COL23A1: variants seen among roughly 807,000 people sequenced by gnomAD.
COL23A1 encodes the protein collagen type XXIII alpha 1 chain.
A neutral mutation model predicts 99.3 loss-of-function variants in COL23A1; 97 were observed. The ratio of observed to expected loss-of-function variants is 0.98; its 90% CI spans 0.83 to 1.16. The LOEUF (loss-of-function observed/expected upper bound fraction) is 1.16, where lower values mean the gene tolerates loss of function less well. Ranked by LOEUF, COL23A1 falls within the 50% of genes most tolerant of loss-of-function variation. The probability of loss-of-function intolerance (pLI) is 0.00; values close to 1 mark genes in which losing one functional copy is unlikely to be tolerated. For missense variants in COL23A1, 762 were observed against 757.4 expected (o/e 1.01, Z -0.07); for synonymous variants, 320 against 308.2 (o/e 1.04, Z -0.40).
chr5:178,312,411 G>C (rs1758745688), intron 2 of COL23A1, among the ~76,000 whole-genome samples: 1 of 152,148 alleles, frequency 6.6e-6, no homozygotes, highest in African/African-American at 2.4e-5. Flanking sequence ...CAGCACTGTT[G>C]GAGGCCAGAC....
rs1487036605 is a variant in COL23A1 at position 178,590,364 on chromosome 5, C to A, written c.-167G>T. 2 of 507,122 alleles carry A rather than the reference C, an allele frequency of 3.9e-6. No homozygotes were observed. Among genetic ancestry groups the A allele is most frequent in the Non-Finnish European group, 5.7e-6 (2 of 348,306 alleles). The allele number at this position is 507,122 out of a possible 1,614,324, so 31.4% of individuals were successfully genotyped here. A position where few individuals can be genotyped will look rare whatever the true frequency, so the allele number is the denominator to read the frequency against. On this transcript the variant is annotated 5_prime_UTR_variant, in exon 1 of 29. Transcript: ENST00000390654. This position sits in a 1 kb window ranked among gnomAD's most constrained non-coding sequence, Gnocchi z 5.7. ...CGCACGCCCCCTTCGCCGCAGCCAGCTCCTCCACAGCGGCCACTTTGGGCA... is the reference window on the plus strand; with the variant it reads ...CGCACGCCCCCTTCGCCGCAGCCAGATCCTCCACAGCGGCCACTTTGGGCA...
chr5:178,392,194 A>G (rs886859174), intron 2 of COL23A1, among the ~76,000 whole-genome samples: 17 of 151,736 alleles, frequency 1.1e-4, no homozygotes, highest in Non-Finnish European at 1.8e-4. Flanking sequence ...CTGTGAGTAT[A>G]ATAAAAACCA....
At chr5:178,252,711 C>CA (rs1289342785) in intron 16 of COL23A1, 114 bp from the exon 17 acceptor site, 21 of 893,306 alleles carry the variant, frequency 2.4e-5, no homozygotes, top group Non-Finnish European at 3.4e-6. Context: ...AGAGCAGGGG[C>CA]AGGGTCCTTG....
intron 3 of COL23A1, among the ~76,000 whole-genome samples, chr5:178,290,707 C>T (rs183251483): frequency 2.0e-5 from 3 of 152,300 alleles, no homozygotes; most frequent in African/African-American, 7.2e-5. Context: ...TCTGGTGCTC[C>T]TGAGGGGATG....
At chr5:178,413,654 TTCCAGATGAGATGGATCACAGG>T (rs1765160042) in intron 2 of COL23A1, among the ~76,000 whole-genome samples, 1 of 152,164 alleles carries the variant, frequency 6.6e-6, no homozygotes, top group African/African-American at 2.4e-5. Flanking sequence ...AAGAGAGAAG[TTCCAGATGAGATGGATCACAGG>T]CTGCATGATT....
intron 2 of COL23A1, among the ~76,000 whole-genome samples, chr5:178,447,699 G>T (rs1191949016): frequency 6.6e-6 from 1 of 152,174 alleles, no homozygotes; most frequent in Non-Finnish European, 1.5e-5. Flanking sequence ...TACTCAGAAT[G>T]CATCCCAGTT....
chr5:178,277,199 C>G (rs1405624675), intron 5 of COL23A1, among the ~76,000 whole-genome samples: 2 of 84,638 alleles, frequency 2.4e-5, no homozygotes, highest in African/African-American at 9.8e-5. Flanking sequence ...GACCTCATCT[C>G]TAAAAAAAAA....
At chr5:178,464,964 GAAC>G (rs1756334211) in intron 2 of COL23A1, among the ~76,000 whole-genome samples, 1 of 152,148 alleles carries the variant, frequency 6.6e-6, no homozygotes, top group African/African-American at 2.4e-5. Context: ...GCTGCCTATG[GAAC>G]AACGCCTTGT....
chr5:178,490,538 A>G (rs1055569798), intron 2 of COL23A1, among the ~76,000 whole-genome samples: 2 of 152,122 alleles, frequency 1.3e-5, no homozygotes, highest in African/African-American at 4.8e-5. Flanking sequence ...GCTGCACAAT[A>G]CTGTGACTGT....
intron 2 of COL23A1, among the ~76,000 whole-genome samples, chr5:178,504,879 C>T (rs528937823): frequency 9.9e-4 from 151 of 152,298 alleles, no homozygotes; most frequent in African/African-American, 3.5e-3. Context: ...TACATGAGAT[C>T]TGTGAGGATT....
chr5:178,469,185 T>C (rs779260709), intron 2 of COL23A1, among the ~76,000 whole-genome samples: 2 of 152,220 alleles, frequency 1.3e-5, no homozygotes, highest in Non-Finnish European at 2.9e-5. Flanking sequence ...TTTTGGCTAC[T>C]GTGAACAATG....
At chr5:178,516,672 A>G (rs1011162577) in intron 2 of COL23A1, among the ~76,000 whole-genome samples, 1 of 152,124 alleles carries the variant, frequency 6.6e-6, no homozygotes, top group Admixed American at 6.5e-5. Flanking sequence ...TCCACTTGCC[A>G]ATTCCTGCCT....
At chr5:178,269,282 A>C (rs1756086014) in intron 6 of COL23A1, among the ~76,000 whole-genome samples, 2 of 149,208 alleles carry the variant, frequency 1.3e-5, no homozygotes, top group African/African-American at 5.0e-5. Flanking sequence ...CCATCCCTGT[A>C]TGAGTCATCC....
intron 2 of COL23A1, among the ~76,000 whole-genome samples, chr5:178,518,762 A>C (rs1759759850): frequency 6.7e-6 from 1 of 149,754 alleles, no homozygotes; most frequent in Non-Finnish European, 1.5e-5. Flanking sequence ...AGAGGCTGCA[A>C]TCTCGGCACT....
At chr5:178,457,177 T>C (rs1767843617) in intron 2 of COL23A1, among the ~76,000 whole-genome samples, 1 of 152,200 alleles carries the variant, frequency 6.6e-6, no homozygotes, top group Admixed American at 6.5e-5. Context: ...TGAACAGAAA[T>C]AAAAGTCAAA....
At chr5:178,263,429 T>A in intron 8 of COL23A1, 105 bp from the exon 9 acceptor site, 2 of 706,872 alleles carry the variant, frequency 2.8e-6, no homozygotes, top group Non-Finnish European at 4.8e-6. Context: ...TCCCCAGCCC[T>A]TGGGCAGGCT....
At chr5:178,444,017 C>T (rs1372660526) in intron 2 of COL23A1, among the ~76,000 whole-genome samples, 1 of 151,884 alleles carries the variant, frequency 6.6e-6, no homozygotes, top group Non-Finnish European at 1.5e-5. Flanking sequence ...ACCCAGGCAA[C>T]ATGGTGAAAC....
At chr5:178,290,088 C>T (rs1025200806) in intron 4 of COL23A1, among the ~76,000 whole-genome samples, 3 of 152,170 alleles carry the variant, frequency 2.0e-5, no homozygotes, top group Admixed American at 1.3e-4. Context: ...CCCGCCACCA[C>T]GCCTGGCTAT....
intron 2 of COL23A1, among the ~76,000 whole-genome samples, chr5:178,495,689 G>A (rs1205904790): frequency 6.6e-6 from 1 of 151,960 alleles, no homozygotes; most frequent in African/African-American, 2.4e-5. Flanking sequence ...AGGAGAGAGG[G>A]CACGGGGACC....
Sources: gnomAD v4.1 joint callset for allele counts (sites outside exome capture counted in the v4.1 genomes callset) on GRCh38, gnomAD v4.1.1 for gene constraint, Gnocchi (gnomAD v3.1) non-coding constraint, MANE v1.5 for transcripts, NCBI Gene and HGNC (gene_info 2026-07-23, HGNC 2026-07-21) for gene names.